ITSN1: variants seen among roughly 807,000 people sequenced by gnomAD.
ITSN1 encodes the protein intersectin 1.
A neutral mutation model predicts 239.8 loss-of-function variants in ITSN1; 58 were observed. The observed-to-expected ratio is 0.24, with a 90% CI of 0.20 to 0.30. The LOEUF is 0.30. Ranked by LOEUF, ITSN1 falls within the 10% of genes least tolerant of loss-of-function variation. ITSN1 has a pLI of 1.00. For missense variants in ITSN1, 1,558 were observed against 2,103.3 expected (o/e 0.74, Z 5.07); for synonymous variants, 780 against 770.8 (o/e 1.01, Z -0.20).
chr21:33,699,346 CT>C (rs1045517422), intron 1 of ITSN1, among the ~76,000 whole-genome samples: 2 of 152,034 alleles, frequency 1.3e-5, no homozygotes, highest in African/African-American at 4.8e-5. Flanking sequence ...CACTTATTAC[CT>C]TAGTACCATA....
Position 33,896,217 on chromosome 21 carries a change from GC to G in ITSN1, c.*7919del. On this transcript the variant is annotated 3_prime_UTR_variant, in exon 40 of 40. Coordinates refer to ENST00000381318, the MANE Select transcript of ITSN1 (RefSeq NM_003024.3). ...GTACCCCAAGGCTGGAGAGGGGGTT[GC>G]CGGTGGTGGCAGGAGCTCTGGGCTC... 6.6e-6 allele frequency: 1 copy of G among 152,446 alleles called. No homozygotes were observed. The highest frequency in any genetic ancestry group is 1.5e-5 in the Non-Finnish European group (1 of 68,212). 9.4% of individuals were successfully genotyped at this position (152,446 alleles called of 1,614,324 possible).
intron 29 of ITSN1, among the ~76,000 whole-genome samples, chr21:33,839,133 C>T (rs1255349876): frequency 6.6e-6 from 1 of 152,114 alleles, no homozygotes; most frequent in Non-Finnish European, 1.5e-5. Flanking sequence ...AGTTGGGTGC[C>T]CCATTGGCTT....
chr21:33,749,275 C>T (rs919133491), intron 5 of ITSN1, among the ~76,000 whole-genome samples: 1 of 152,098 alleles, frequency 6.6e-6, no homozygotes, highest in Admixed American at 6.5e-5. Context: ...CAGGCATAAG[C>T]CACTGTGCCC....
Position 33,884,320 on chromosome 21 carries a change from G to C in ITSN1, c.4676+649G>C, listed in dbSNP as rs1374214180. ...CCAGGTGGCAGAAACCAATAGGAAA[G>C]TAATTTCGGGGTTAATAGGACCACG... On this transcript the variant is annotated intron_variant, in intron 36 of 39. Transcript: ENST00000381318. 2.0e-5 allele frequency among the ~76,000 whole-genome samples: 3 copies of C among 152,134 alleles called. No individual in the cohort carries two copies. In the East Asian group the frequency reaches 5.8e-4, roughly 29 times the overall value.
At position 33,834,368 on chromosome 21, in the gene ITSN1, C is replaced by G. The variant is rs201419866; in HGVS notation, c.3413C>G (p.Pro1138Arg). The part of the protein sequence containing the change: ...FPANYVKLLS[P>R]GTSKITPTEP... ...GCTAATTATGTAAAGCTTCTAAGCC[C>G]TGGGACGAGCAAAATCACTCCAACA... The change falls in exon 28 of 40, where the codon CCT becomes CGT. Residue 1138 changes from proline to arginine, a missense_variant. Transcript: ENST00000381318. 1.2e-6 allele frequency: 2 copies of G among 1,614,050 alleles called. No individual in the cohort carries two copies.
At chr21:33,842,474 CTGT>C (rs2074855844) in intron 29 of ITSN1, among the ~76,000 whole-genome samples, 2 of 151,148 alleles carry the variant, frequency 1.3e-5, no homozygotes, top group African/African-American at 4.9e-5. Flanking sequence ...AGCTACCATG[CTGT>C]TGTTTTATGA....
In ITSN1 at chr21:33,865,416, G is replaced by A. The variant is rs1268894580; in HGVS notation, c.4074+82G>A. 1 of 1,174,710 alleles carries A rather than the reference G, an allele frequency of 8.5e-7. No individual in the cohort carries two copies. Among genetic ancestry groups the A allele is most frequent in the Non-Finnish European group, 1.2e-6 (1 of 850,566 alleles). 72.8% of individuals were successfully genotyped at this position (1,174,710 alleles called of 1,614,324 possible). The stretch of plus-strand genomic sequence containing the variant: ...GGATGTGTGAGGGGCTAATTCAAAA[G>A]TCTGCAAGAGTGTTCCCACTAGAGG... On this transcript the variant is annotated intron_variant, in intron 32 of 39. Coordinates refer to ENST00000381318, the MANE Select transcript of ITSN1 (RefSeq NM_003024.3). The surrounding 1 kb of genome is among the most constrained non-coding windows in gnomAD (Gnocchi z 4.4).
At chr21:33,647,775 C>T (rs960883513) in intron 1 of ITSN1, among the ~76,000 whole-genome samples, 21 of 152,194 alleles carry the variant, frequency 1.4e-4, no homozygotes, top group African/African-American at 4.8e-4. Context: ...GGATCACAGG[C>T]GTGAGCCACC....
At chr21:33,692,351 T>G (rs1187350255) in intron 1 of ITSN1, among the ~76,000 whole-genome samples, 1 of 152,210 alleles carries the variant, frequency 6.6e-6, no homozygotes, top group Non-Finnish European at 1.5e-5. Flanking sequence ...GTTCCATAAC[T>G]TTAAAGCATT....
intron 8 of ITSN1, among the ~76,000 whole-genome samples, chr21:33,755,605 A>C (rs1398110656): frequency 6.6e-6 from 1 of 152,174 alleles, no homozygotes; most frequent in African/African-American, 2.4e-5. Flanking sequence ...GGTAAAATGG[A>C]ATATAGACCA....
intron 1 of ITSN1, among the ~76,000 whole-genome samples, chr21:33,711,537 C>T (rs2092413849): frequency 6.6e-6 from 1 of 151,254 alleles, no homozygotes; most frequent in Non-Finnish European, 1.5e-5. Context: ...TTTTGTTTGT[C>T]CTTTCTGTTT....
chr21:33,788,134 A>G (rs868179329), intron 16 of ITSN1, among the ~76,000 whole-genome samples: 1 of 152,228 alleles, frequency 6.6e-6, no homozygotes, highest in African/African-American at 2.4e-5. Flanking sequence ...AGGGAAATTC[A>G]GATTTTCAGG....
chr21:33,732,450 G>A (rs941160870), intron 4 of ITSN1, among the ~76,000 whole-genome samples: 4 of 152,120 alleles, frequency 2.6e-5, no homozygotes, highest in Admixed American at 1.3e-4. Flanking sequence ...TTTGTTTTCA[G>A]TTTACATTAC....
chr21:33,859,459 A>G (rs1221637701), intron 31 of ITSN1, among the ~76,000 whole-genome samples: 1 of 152,070 alleles, frequency 6.6e-6, no homozygotes, highest in African/African-American at 2.4e-5. Flanking sequence ...AAAAAAAGTC[A>G]AAAACCAAAA....
intron 16 of ITSN1, among the ~76,000 whole-genome samples, chr21:33,785,824 C>T (rs750172137): frequency 3.3e-4 from 50 of 152,034 alleles, no homozygotes; most frequent in Non-Finnish European, 5.6e-4. Context: ...TTTTTCCATG[C>T]GTTTTAATAG....
chr21:33,888,318 T>C lies in ITSN1; in HGVS notation c.*18T>C, dbSNP rs751663680. The C allele has an allele frequency of 1.9e-6, 3 of 1,603,064 alleles. No homozygotes were observed. Among genetic ancestry groups the C allele is most frequent in the African/African-American group, 1.3e-5 (1 of 74,652 alleles). On this transcript the variant is annotated 3_prime_UTR_variant, in exon 40 of 40. Transcript: ENST00000381318. ...AGCCGTAGGCAGCGGGCTCAGGGTG[T>C]GCTCAGCAGGGTCCCAGCCCACGGC...
intron 1 of ITSN1, among the ~76,000 whole-genome samples, chr21:33,695,744 A>C (rs1439628788): frequency 6.6e-6 from 1 of 152,172 alleles, no homozygotes; most frequent in Non-Finnish European, 1.5e-5. Context: ...TTTGGATCTC[A>C]GTGTGTTTGT....
At chr21:33,838,344 C>T in intron 29 of ITSN1, 2 of 985,308 alleles carry the variant, frequency 2.0e-6, no homozygotes, top group South Asian at 4.7e-5. Flanking sequence ...GTGCAGAGAG[C>T]GAGGACCTCT....
intron 5 of ITSN1, among the ~76,000 whole-genome samples, chr21:33,740,020 A>G (rs1003393259): frequency 6.6e-6 from 1 of 152,212 alleles, no homozygotes; most frequent in Admixed American, 6.5e-5. Context: ...TTTTGGGAAA[A>G]AAGTAAAAAG....
Sources: allele counts gnomAD v4.1 joint callset (sites outside exome capture counted in the v4.1 genomes callset), GRCh38; gene constraint gnomAD v4.1.1; non-coding constraint Gnocchi (gnomAD v3.1); transcripts MANE v1.5; gene names NCBI Gene and HGNC (gene_info 2026-07-23, HGNC 2026-07-21).